CFAP96: variants seen among roughly 807,000 people sequenced by gnomAD.
CFAP96 encodes the protein cilia and flagella associated protein 96, also known as cilia-and flagella-associated protein 96.
the CFAP96 span, among the ~76,000 whole-genome samples, chr4:185,408,769 T>A: frequency 6.6e-6 from 1 of 152,124 alleles, no homozygotes; most frequent in Non-Finnish European, 1.5e-5. Flanking sequence ...GGCCTGGAAC[T>A]CTCTTTTCCC....
the CFAP96 span, among the ~76,000 whole-genome samples, chr4:185,424,059 G>GGGAGGC: frequency 1.3e-5 from 2 of 151,948 alleles, no homozygotes; most frequent in African/African-American, 2.4e-5. Flanking sequence ...CCAACACTTT[G>GGGAGGC]GGAGGCAGAG....
the CFAP96 span, among the ~76,000 whole-genome samples, chr4:185,424,245 A>G: frequency 3.3e-5 from 5 of 152,100 alleles, no homozygotes; most frequent in Non-Finnish European, 4.4e-5. Context: ...GGTCAATGCT[A>G]CAGTGAGCCA....
the CFAP96 span, among the ~76,000 whole-genome samples, chr4:185,433,733 C>T: frequency 2.6e-5 from 4 of 151,982 alleles, no homozygotes; most frequent in African/African-American, 9.7e-5. Flanking sequence ...GAAACCCCGT[C>T]TCTACTAAAA....
At chr4:185,446,756 A>G in the CFAP96 span, among the ~76,000 whole-genome samples, 2 of 152,152 alleles carry the variant, frequency 1.3e-5, no homozygotes. Flanking sequence ...ATTTTACTGT[A>G]TTTTATGTAC....
chr4:185,436,091 A>G, the CFAP96 span: 2 of 1,551,324 alleles, frequency 1.3e-6, no homozygotes, highest in Non-Finnish European at 1.7e-6. Context: ...GTCCAGTCCC[A>G]TTTTTCAGCG....
chr4:185,448,300 C>T, the CFAP96 span, among the ~76,000 whole-genome samples: 1 of 152,220 alleles, frequency 6.6e-6, no homozygotes, highest in African/African-American at 2.4e-5. Flanking sequence ...GGATTAAGTG[C>T]TGGGATTACA....
the CFAP96 span, among the ~76,000 whole-genome samples, chr4:185,443,814 G>A: frequency 6.8e-6 from 1 of 147,346 alleles, no homozygotes; most frequent in Non-Finnish European, 1.5e-5. Flanking sequence ...TTTTATACTT[G>A]TAAATTAATT....
At chr4:185,409,726 T>G in the CFAP96 span, among the ~76,000 whole-genome samples, 1 of 152,134 alleles carries the variant, frequency 6.6e-6, no homozygotes, top group Non-Finnish European at 1.5e-5. Context: ...AAAGCAAAGG[T>G]ATTCATAGAC....
At chr4:185,412,725 A>G in the CFAP96 span, among the ~76,000 whole-genome samples, 1 of 152,204 alleles carries the variant, frequency 6.6e-6, no homozygotes, top group Non-Finnish European at 1.5e-5. Context: ...TCACAAGCAT[A>G]CACAGAAAGC....
the CFAP96 span, among the ~76,000 whole-genome samples, chr4:185,444,182 T>C: frequency 1.3e-5 from 2 of 151,090 alleles, no homozygotes; most frequent in Non-Finnish European, 3.0e-5. Context: ...CTCGATCTCC[T>C]GACCTCATGA....
At chr4:185,415,291 C>T in the CFAP96 span, 1 of 1,601,654 alleles carries the variant, frequency 6.2e-7, no homozygotes. Flanking sequence ...TTTCAAAATA[C>T]ATTTTTCCAT....
chr4:185,425,931 G>A, the CFAP96 span: 4 of 1,560,144 alleles, frequency 2.6e-6, no homozygotes, highest in South Asian at 2.4e-5. Context: ...GGCCGGCCCT[G>A]AAGTGGTGTC....
At chr4:185,422,939 A>C in the CFAP96 span, among the ~76,000 whole-genome samples, 1 of 152,122 alleles carries the variant, frequency 6.6e-6, no homozygotes, top group East Asian at 1.9e-4. Context: ...GCTCACTGCA[A>C]CCTCCGCCTC....
the CFAP96 span, among the ~76,000 whole-genome samples, chr4:185,438,609 T>C: frequency 6.6e-6 from 1 of 152,194 alleles, no homozygotes; most frequent in Non-Finnish European, 1.5e-5. Flanking sequence ...TTACTGGCAA[T>C]TTTTTTATTG....
the CFAP96 span, among the ~76,000 whole-genome samples, chr4:185,438,332 A>G: frequency 6.6e-6 from 1 of 152,138 alleles, no homozygotes; most frequent in African/African-American, 2.4e-5. Context: ...TGCATCTTCA[A>G]ACTCACCAAT....
chr4:185,419,748 C>T, the CFAP96 span, among the ~76,000 whole-genome samples: 1 of 152,224 alleles, frequency 6.6e-6, no homozygotes, highest in Non-Finnish European at 1.5e-5. Flanking sequence ...TGAATCAGTA[C>T]TTCATTCCTT....
At chr4:185,418,347 G>A in the CFAP96 span, 1 of 964,040 alleles carries the variant, frequency 1.0e-6, no homozygotes. Flanking sequence ...TCTGACCTAT[G>A]ATAAGAGGGT....
the CFAP96 span, among the ~76,000 whole-genome samples, chr4:185,449,073 C>T: frequency 6.6e-6 from 1 of 151,944 alleles, no homozygotes; most frequent in Non-Finnish European, 1.5e-5. Context: ...AAATTGATTC[C>T]GTAATTGTTT....
chr4:185,413,273 A>G, the CFAP96 span, among the ~76,000 whole-genome samples: 1 of 152,204 alleles, frequency 6.6e-6, no homozygotes, highest in African/African-American at 2.4e-5. Flanking sequence ...CTGTAACCCC[A>G]GCTGCTCAGG....
Sources: allele counts gnomAD v4.1 joint callset (sites outside exome capture counted in the v4.1 genomes callset), GRCh38; gene constraint gnomAD v4.1.1; transcripts MANE v1.5; gene names NCBI Gene and HGNC (gene_info 2026-07-23, HGNC 2026-07-21).